GSDME: variants seen among roughly 807,000 people sequenced by gnomAD.
GSDME encodes gasdermin-E.
GSDME carries 44 observed loss-of-function variants against 47.5 expected under a neutral mutation model. The observed-to-expected ratio is 0.93, with a 90% CI of 0.73 to 1.19. GSDME has a LOEUF of 1.19. Ranked by LOEUF, GSDME falls within the 50% of genes most tolerant of loss-of-function variation. GSDME has a pLI of 0.00. For synonymous variants in GSDME, 258 were observed against 252.8 expected, an observed-to-expected ratio of 1.02 and a Z score of -0.20; for missense variants, 663 against 604.2, an observed-to-expected ratio of 1.10 and a Z score of -1.02.
At chr7:24,794,857 A>G in the GSDME span, among the ~76,000 whole-genome samples, 6 of 152,188 alleles carry the variant, frequency 3.9e-5, no homozygotes, top group Admixed American at 2.6e-4. Flanking sequence ...TTCACACTAA[A>G]ACCAAAGTAT....
At chr7:24,710,107 T>G in intron 6 of GSDME, 117 bp downstream of exon 6, 1 of 1,166,374 alleles carries the variant, frequency 8.6e-7, no homozygotes, top group Non-Finnish European at 1.3e-6. Flanking sequence ...ACCTCTCTTC[T>G]CATATGTTTT....
upstream of GSDME, among the ~76,000 whole-genome samples, chr7:24,759,305 C>T (rs1238423569): frequency 6.6e-6 from 1 of 152,160 alleles, no homozygotes; most frequent in Non-Finnish European, 1.5e-5. Context: ...CCAAAAAGCC[C>T]CAGTCCTCTA....
In GSDME at chr7:24,742,913, A is replaced by G. The variant is rs1322946484; in HGVS notation, c.404+1649T>C. On this transcript the variant is annotated intron_variant, in intron 3 of 9. Coordinates refer to ENST00000645220, the MANE Select transcript of GSDME (RefSeq NM_001127453.2). The surrounding 1 kb of genome is among the most constrained non-coding windows in gnomAD (Gnocchi z 4.4). ...GGACTCTAGCAAAGATAAGCTGTAG[A>G]GAAAGGAAAATAAAGATCATGACTG... Among the ~76,000 whole-genome samples the G allele has an allele frequency of 6.6e-6, 1 of 152,260 alleles. No homozygotes were observed. Among genetic ancestry groups the G allele is most frequent in the Non-Finnish European group, 1.5e-5 (1 of 68,050 alleles).
intron 9 of GSDME, among the ~76,000 whole-genome samples, chr7:24,699,795 G>A (rs1377891423): frequency 6.6e-6 from 1 of 152,098 alleles, no homozygotes; most frequent in Non-Finnish European, 1.5e-5. Flanking sequence ...CTTTCTACTA[G>A]TCCCATTAAC....
At chr7:24,709,838 C>T (rs917798914) in intron 6 of GSDME, among the ~76,000 whole-genome samples, 3 of 152,190 alleles carry the variant, frequency 2.0e-5, no homozygotes, top group Admixed American at 6.5e-5. Context: ...CAATGAAGCC[C>T]AGAATATAAC....
At chr7:24,718,610 G>A (rs1014062508) in intron 4 of GSDME, among the ~76,000 whole-genome samples, 34 of 152,216 alleles carry the variant, frequency 2.2e-4, no homozygotes, top group African/African-American at 7.7e-4. Context: ...CCCACAGGAA[G>A]AGCACCTGAC....
intron 3 of GSDME, among the ~76,000 whole-genome samples, chr7:24,727,553 A>G (rs1790007664): frequency 6.6e-6 from 1 of 152,232 alleles, no homozygotes; most frequent in African/African-American, 2.4e-5. Context: ...GTTTTGATTT[A>G]TTGGCTAAAA....
At position 24,732,513 on chromosome 7, in the gene GSDME, G is replaced by T. The variant is rs1207783403; in HGVS notation, c.404+12049C>A. On this transcript the variant is annotated intron_variant, in intron 3 of 9. Coordinates refer to ENST00000645220, the MANE Select transcript of GSDME (RefSeq NM_001127453.2). This position sits in a 1 kb window ranked among gnomAD's most constrained non-coding sequence, Gnocchi z 4.8. ...CAGTACCTGGTTTTGACTTCATTTT[G>T]CTGAAAGAGGCACTGAAGAGGGTAG... 6.6e-6 allele frequency among the ~76,000 whole-genome samples: 1 copy of T among 152,210 alleles called. No homozygotes were observed. Among genetic ancestry groups the T allele is most frequent in the African/African-American group, 2.4e-5 (1 of 41,440 alleles).
intron 1 of GSDME, among the ~76,000 whole-genome samples, chr7:24,752,738 CT>C (rs1044557387): frequency 2.0e-5 from 3 of 152,192 alleles, no homozygotes; most frequent in Non-Finnish European, 4.4e-5. Context: ...AGAACAACTG[CT>C]TTAGTTTACC....
intron 9 of GSDME, among the ~76,000 whole-genome samples, chr7:24,700,674 C>G (rs1051958532): frequency 3.9e-5 from 6 of 152,188 alleles, no homozygotes; most frequent in Non-Finnish European, 5.9e-5. Context: ...TCGCCAAATA[C>G]AACTCACACA....
At chr7:24,750,349 G>A (rs1790815395) in intron 1 of GSDME, among the ~76,000 whole-genome samples, 1 of 152,216 alleles carries the variant, frequency 6.6e-6, no homozygotes, top group Non-Finnish European at 1.5e-5. Flanking sequence ...GGGCATGGTG[G>A]GTGACACCTG....
intron 1 of GSDME, among the ~76,000 whole-genome samples, chr7:24,751,588 G>C (rs1414962960): frequency 6.6e-6 from 1 of 152,126 alleles, no homozygotes; most frequent in Non-Finnish European, 1.5e-5. Context: ...ATTAACACTA[G>C]GAATGAACAT....
At chr7:24,740,513 A>T (rs1790454636) in intron 3 of GSDME, among the ~76,000 whole-genome samples, 1 of 152,156 alleles carries the variant, frequency 6.6e-6, no homozygotes, top group South Asian at 2.1e-4. Flanking sequence ...CAAGGGATAA[A>T]TGCCTGAGGT....
At chr7:24,766,597 TC>T in the GSDME span, among the ~76,000 whole-genome samples, 1 of 152,218 alleles carries the variant, frequency 6.6e-6, no homozygotes, top group Non-Finnish European at 1.5e-5. The surrounding 1 kb of genome is among the most constrained non-coding windows in gnomAD (Gnocchi z 4.2). Flanking sequence ...AGTGATGGTT[TC>T]CAGCTTCATC....
At chr7:24,751,770 A>G (rs889316913) in intron 1 of GSDME, among the ~76,000 whole-genome samples, 1 of 152,194 alleles carries the variant, frequency 6.6e-6, no homozygotes, top group Non-Finnish European at 1.5e-5. Context: ...CAAATCATCA[A>G]CTGAATCATT....
At chr7:24,702,275 C>T (rs1388519533) in intron 9 of GSDME, among the ~76,000 whole-genome samples, 1 of 152,170 alleles carries the variant, frequency 6.6e-6, no homozygotes, top group Non-Finnish European at 1.5e-5. Flanking sequence ...AATGACATTT[C>T]CAGAGGGGGC....
the GSDME span, among the ~76,000 whole-genome samples, chr7:24,795,015 A>AATATAT: frequency 5.3e-3 from 809 of 152,300 alleles, 4 homozygotes; most frequent in African/African-American, 0.014. Flanking sequence ...CCAAGGTGCC[A>AATATAT]ATAAAGGCAT....
chr7:24,766,915 C>T, the GSDME span, among the ~76,000 whole-genome samples: 15 of 152,106 alleles, frequency 9.9e-5, no homozygotes, highest in African/African-American at 2.7e-4. This position sits in a 1 kb window ranked among gnomAD's most constrained non-coding sequence, Gnocchi z 4.2. Context: ...TTTACACTCC[C>T]ACCAACAGTG....
At chr7:24,738,505 ACAGAT>A (rs770902154) in intron 3 of GSDME, among the ~76,000 whole-genome samples, 8 of 152,196 alleles carry the variant, frequency 5.3e-5, no homozygotes, top group Admixed American at 2.0e-4. Context: ...TTCCATATTC[ACAGAT>A]CAGAAGAATA....
Sources: gnomAD v4.1 joint callset for allele counts (sites outside exome capture counted in the v4.1 genomes callset) on GRCh38, gnomAD v4.1.1 for gene constraint, Gnocchi (gnomAD v3.1) non-coding constraint, MANE v1.5 for transcripts, NCBI Gene and HGNC (gene_info 2026-07-23, HGNC 2026-07-21) for gene names.